The following SH3BGRL variants were observed in gnomAD, a reference collection of about 807,000 sequenced individuals.
SH3BGRL encodes the protein SH3 domain binding glutamate rich protein like.
SH3BGRL carries 7 observed loss-of-function variants against 9.8 expected under a neutral mutation model. The ratio of observed to expected loss-of-function variants is 0.72; its 90% confidence interval spans 0.41 to 1.35. The LOEUF is 1.35. Ranked by LOEUF, SH3BGRL falls within the 40% of genes most tolerant of loss-of-function variation. The pLI, the probability that SH3BGRL is intolerant of heterozygous loss-of-function variation, is 0.01. For missense variants in SH3BGRL, 73 were observed against 84.4 expected, an observed-to-expected ratio of 0.86 and a Z score of 0.53; for synonymous variants, 36 against 29.1, an observed-to-expected ratio of 1.24 and a Z score of -0.76.
chrX:81,272,540 G>T (rs1052051949), intron 1 of SH3BGRL, among the ~76,000 whole-genome samples: 1 of 96,701 alleles, frequency 1.0e-5, no homozygotes, highest in Non-Finnish European at 2.0e-5. Flanking sequence ...TCGTTCTGCC[G>T]CCCAGGCTGG....
intron 1 of SH3BGRL, among the ~76,000 whole-genome samples, chrX:81,268,001 G>T (rs767600062): frequency 1.8e-5 from 2 of 111,651 alleles, no homozygotes; most frequent in African/African-American, 6.5e-5. Flanking sequence ...GTTTATTTTC[G>T]TAGAGGTGTT....
chrX:81,215,164 A>G (rs745857086), intron 1 of SH3BGRL, among the ~76,000 whole-genome samples: 53 of 109,853 alleles, frequency 4.8e-4, no homozygotes, highest in Non-Finnish European at 8.4e-4. Context: ...GAGAGAGTTT[A>G]TGGAGCTCCG....
chrX:81,263,249 A>G (rs1403914638), intron 1 of SH3BGRL, among the ~76,000 whole-genome samples: 1 of 111,654 alleles, frequency 9.0e-6, no homozygotes, highest in African/African-American at 3.3e-5. Context: ...AGGAGGCTGC[A>G]TACTTTTACA....
At position 81,222,334 on chromosome X, in the gene SH3BGRL, C is replaced by A. The variant is rs1433478596; in HGVS notation, c.45+20089C>A. Among the ~76,000 whole-genome samples, 3 of 83,443 alleles carry A rather than the reference C, an allele frequency of 3.6e-5. No individual in the cohort carries two copies. In the Admixed American group the frequency reaches 4.2e-4, roughly 12 times the overall value. The allele number at this position is 83,443 out of a possible 115,157, so 72.5% of individuals were successfully genotyped here. ...CTATCCCTCCCCCCTCCCCCCACCC[C>A]ACAACAGGCCCCGGTGTGTGATGTT... On this transcript the variant is annotated intron_variant, in intron 1 of 3. Coordinates refer to ENST00000373212, the MANE Select transcript of SH3BGRL (RefSeq NM_003022.3).
At chrX:81,225,793 A>G (rs1251881310) in intron 1 of SH3BGRL, among the ~76,000 whole-genome samples, 1 of 111,641 alleles carries the variant, frequency 9.0e-6, no homozygotes, top group African/African-American at 3.3e-5. Flanking sequence ...ATGGGTCACT[A>G]CTAATTATAT....
At chrX:81,248,951 G>C (rs1030559979) in intron 1 of SH3BGRL, among the ~76,000 whole-genome samples, 4 of 111,026 alleles carry the variant, frequency 3.6e-5, no homozygotes, top group Non-Finnish European at 7.6e-5. Context: ...CCATCACAGG[G>C]GCTTTGCTGA....
intron 1 of SH3BGRL, among the ~76,000 whole-genome samples, chrX:81,217,588 A>G (rs182404033): frequency 9.0e-6 from 1 of 111,481 alleles, no homozygotes; most frequent in Admixed American, 9.5e-5. Flanking sequence ...GTGAATTTTC[A>G]ATCTTATTCC....
rs2075699500 is a variant in SH3BGRL, at chrX:81,248,859, A to T, written c.46-28125A>T. 9.0e-5 allele frequency among the ~76,000 whole-genome samples: 10 copies of T among 111,727 alleles called. No individual in the cohort carries two copies. The Admixed American group carries it at 9.5e-4, about 11-fold the overall frequency. On this transcript the variant is annotated intron_variant, in intron 1 of 3. Transcript: ENST00000373212. ...TGGGTTGCTTGGATCCCCAGTGGAA[A>T]GATGAATCATAGGGAGAGGCTCTCT...
chrX:81,257,995 C>T (rs989074707), intron 1 of SH3BGRL, among the ~76,000 whole-genome samples: 3 of 111,413 alleles, frequency 2.7e-5, no homozygotes, highest in African/African-American at 9.8e-5. Context: ...CAATGAGTCT[C>T]CTGAGCAAGG....
chrX:81,270,886 C>T (rs2075776499), intron 1 of SH3BGRL, among the ~76,000 whole-genome samples: 1 of 112,030 alleles, frequency 8.9e-6, no homozygotes, highest in Non-Finnish European at 1.9e-5. Context: ...GGACTCCACC[C>T]AGTTCAAGCT....
intron 1 of SH3BGRL, among the ~76,000 whole-genome samples, chrX:81,223,377 G>A (rs902714188): frequency 9.0e-6 from 1 of 111,043 alleles, no homozygotes; most frequent in Admixed American, 9.6e-5. Context: ...AACTGTGGAA[G>A]CAGGGGAAAT....
At position 81,297,544 on chromosome X, in the gene SH3BGRL, A is replaced by G. The variant is rs1194990105; in HGVS notation, c.*317A>G. On this transcript the variant is annotated 3_prime_UTR_variant, in exon 4 of 4. Coordinates refer to ENST00000373212, the MANE Select transcript of SH3BGRL (RefSeq NM_003022.3). Reference sequence around the variant, plus strand: ...AACACCCTTCCCTCCTTCTGCCATTACTATGGCAACTTAAGTGTATCTGCA... The same window carrying G: ...AACACCCTTCCCTCCTTCTGCCATTGCTATGGCAACTTAAGTGTATCTGCA... 2 of 149,060 alleles carry G rather than the reference A, an allele frequency of 1.3e-5. No individual in the cohort carries two copies. Among genetic ancestry groups the G allele is most frequent in the Admixed American group, 1.7e-4 (2 of 11,831 alleles). 12.3% of individuals were successfully genotyped at this position (149,060 alleles called of 1,213,427 possible).
At chrX:81,262,758 T>G (rs2075744979) in intron 1 of SH3BGRL, among the ~76,000 whole-genome samples, 1 of 112,157 alleles carries the variant, frequency 8.9e-6, no homozygotes, top group South Asian at 3.7e-4. Context: ...TTTACTATAT[T>G]CGCAAATTTT....
chrX:81,272,018 C>A (rs776687635), intron 1 of SH3BGRL, among the ~76,000 whole-genome samples: 18 of 108,923 alleles, frequency 1.7e-4, no homozygotes, highest in South Asian at 1.6e-3. Flanking sequence ...CATGGTGAAA[C>A]CCTGTCTCTA....
chrX:81,285,998 A>T (rs1196067594), intron 3 of SH3BGRL, among the ~76,000 whole-genome samples: 5 of 111,574 alleles, frequency 4.5e-5, no homozygotes, highest in African/African-American at 1.6e-4. Flanking sequence ...ATTGAAAAGT[A>T]CTCTGTGTCA....
intron 1 of SH3BGRL, among the ~76,000 whole-genome samples, chrX:81,275,300 C>T (rs2075795187): frequency 9.0e-6 from 1 of 111,067 alleles, no homozygotes; most frequent in Non-Finnish European, 1.9e-5. Context: ...GGTTTTCACA[C>T]GTTGCCCAGG....
At chrX:81,257,999 A>C (rs2075730533) in intron 1 of SH3BGRL, among the ~76,000 whole-genome samples, 2 of 111,473 alleles carry the variant, frequency 1.8e-5, no homozygotes, top group Non-Finnish European at 3.8e-5. Context: ...GAGTCTCCTG[A>C]GCAAGGTGCT....
chrX:81,251,058 T>C (rs2075708435), intron 1 of SH3BGRL, among the ~76,000 whole-genome samples: 1 of 112,317 alleles, frequency 8.9e-6, no homozygotes, highest in East Asian at 2.8e-4. Context: ...AGAAACCTCC[T>C]AAGACTTTTC....
intron 1 of SH3BGRL, among the ~76,000 whole-genome samples, chrX:81,274,390 A>G (rs2075790799): frequency 9.0e-6 from 1 of 110,898 alleles, no homozygotes; most frequent in African/African-American, 3.3e-5. Context: ...AGTTGGACAG[A>G]TCATGAGGTC....
Sources: gnomAD v4.1 joint callset for allele counts (sites outside exome capture counted in the v4.1 genomes callset) on GRCh38, gnomAD v4.1.1 for gene constraint, MANE v1.5 for transcripts, NCBI Gene and HGNC (gene_info 2026-07-23, HGNC 2026-07-21) for gene names.